SRFBP1: variants seen among roughly 807,000 people sequenced by gnomAD.
SRFBP1 encodes the protein serum response factor binding protein 1, also known as serum response factor-binding protein 1.
Under a neutral mutation model 45.5 loss-of-function variants are expected in SRFBP1, and 47 were observed. The observed-to-expected ratio is 1.03, with a 90% CI of 0.82 to 1.32. The LOEUF is 1.32. SRFBP1 is among the 40% of genes most tolerant of loss of function. SRFBP1 has a pLI of 0.00. For missense variants in SRFBP1, 621 were observed against 484.6 expected (o/e 1.28, Z -2.64); for synonymous variants, 203 against 166.3 (o/e 1.22, Z -1.70).
intron 3 of SRFBP1, among the ~76,000 whole-genome samples, chr5:121,986,301 T>C (rs1164221930): frequency 6.6e-6 from 1 of 152,016 alleles, no homozygotes; most frequent in Non-Finnish European, 1.5e-5. Flanking sequence ...ATTCATTAGA[T>C]TTAGCAGCGT....
rs1580527835 is a variant in SRFBP1, at chr5:122,016,519, C to G, written c.271-2741C>G. On this transcript the variant is annotated intron_variant, in intron 4 of 7. Transcript: ENST00000339397. Reference sequence around the variant, plus strand: ...ATTATTTGGTGACTTGTTTTATTATCTGAAATCTTGTAGGTCCCAATATAC... The same window carrying G: ...ATTATTTGGTGACTTGTTTTATTATGTGAAATCTTGTAGGTCCCAATATAC... Among the ~76,000 whole-genome samples the G allele has an allele frequency of 2.0e-5, 3 of 152,108 alleles. No individual in the cohort carries two copies. In the East Asian group the frequency reaches 5.8e-4, roughly 29 times the overall value.
At chr5:122,074,686 A>T (rs1164531434) in intron 2 of SRFBP1, among the ~76,000 whole-genome samples, 1 of 152,202 alleles carries the variant, frequency 6.6e-6, no homozygotes, top group Non-Finnish European at 1.5e-5. Context: ...TTTTATTTAG[A>T]AATAAAATAT....
chr5:122,071,193 ATGTGTGTG>A (rs35544795), intron 2 of SRFBP1, among the ~76,000 whole-genome samples: 62 of 149,932 alleles, frequency 4.1e-4, no homozygotes, highest in Admixed American at 9.4e-4. Flanking sequence ...AAACATTTAT[ATGTGTGTG>A]TGTGTGTGTG....
chr5:121,987,535 T>C (rs1752541897), intron 3 of SRFBP1, among the ~76,000 whole-genome samples: 1 of 152,210 alleles, frequency 6.6e-6, no homozygotes, highest in African/African-American at 2.4e-5. Flanking sequence ...AAGATTTTGA[T>C]GTCTCTCACT....
intron 2 of SRFBP1, among the ~76,000 whole-genome samples, chr5:122,047,943 G>A (rs1753895551): frequency 6.6e-6 from 1 of 152,112 alleles, no homozygotes; most frequent in Non-Finnish European, 1.5e-5. Context: ...AGGAGATTTT[G>A]GGCTGAGATG....
intron 2 of SRFBP1, among the ~76,000 whole-genome samples, chr5:122,035,416 A>G (rs922071482): frequency 3.9e-5 from 6 of 152,150 alleles, no homozygotes; most frequent in Non-Finnish European, 7.4e-5. Flanking sequence ...AATTCATCAA[A>G]AACTTTAATC....
intron 2 of SRFBP1, chr5:122,065,676 T>C (rs1433718115): frequency 6.6e-6 from 1 of 152,080 alleles, no homozygotes; most frequent in Non-Finnish European, 1.5e-5. Flanking sequence ...CTAGATAATA[T>C]AAAATTTTTA....
chr5:121,987,564 T>G (rs1242386416), intron 3 of SRFBP1, among the ~76,000 whole-genome samples: 1 of 152,186 alleles, frequency 6.6e-6, no homozygotes, highest in Non-Finnish European at 1.5e-5. Flanking sequence ...TTATTTCAGA[T>G]TCTTTATTTC....
At chr5:122,004,507 C>G (rs959423054) in intron 4 of SRFBP1, among the ~76,000 whole-genome samples, 7 of 152,072 alleles carry the variant, frequency 4.6e-5, no homozygotes, top group Non-Finnish European at 1.0e-4. Flanking sequence ...CTATGGTCAT[C>G]AGTTGTAATA....
rs533131908 is a variant in SRFBP1 at position 121,977,801 on chromosome 5, G to T, written c.198+2414G>T. Among the ~76,000 whole-genome samples, 3 of 152,182 alleles carry T rather than the reference G, an allele frequency of 2.0e-5. No individual in the cohort carries two copies. The East Asian group carries it at 5.8e-4, about 29-fold the overall frequency. Reference sequence around the variant, plus strand: ...AGAAATCATGAGTATTTTTAGAAATGAGAGTTTGCTTTTTCTGGCCAACTA... The same window carrying T: ...AGAAATCATGAGTATTTTTAGAAATTAGAGTTTGCTTTTTCTGGCCAACTA... On this transcript the variant is annotated intron_variant, in intron 3 of 7. Transcript: ENST00000339397.
intron 2 of SRFBP1, among the ~76,000 whole-genome samples, chr5:122,054,188 T>G (rs1450761176): frequency 6.6e-6 from 1 of 152,198 alleles, no homozygotes; most frequent in Non-Finnish European, 1.5e-5. Flanking sequence ...ACAAAACATC[T>G]GAGTGGCTCC....
intron 6 of SRFBP1, 114 bp from the exon 7 acceptor site, chr5:122,022,256 C>T (rs957603091): frequency 1.7e-5 from 13 of 762,564 alleles, no homozygotes; most frequent in Non-Finnish European, 2.7e-5. Flanking sequence ...GCTGGTGTGA[C>T]TAAGGAGTAT....
intron 2 of SRFBP1, among the ~76,000 whole-genome samples, chr5:121,974,651 T>C (rs914904074): frequency 6.6e-6 from 1 of 151,950 alleles, no homozygotes; most frequent in African/African-American, 2.4e-5. Context: ...TTTTGAAGAT[T>C]TTATATCACA....
chr5:122,039,216 C>T lies in SRFBP1; in HGVS notation n.311+16809C>T, dbSNP rs552033115. Among the ~76,000 whole-genome samples, 3 of 152,176 alleles carry T rather than the reference C, an allele frequency of 2.0e-5. No individual in the cohort carries two copies. In the South Asian group the frequency reaches 6.2e-4, roughly 32 times the overall value. On this transcript the variant is annotated intron_variant and non_coding_transcript_variant, in intron 2 of 2. Coordinates refer to the SRFBP1 transcript ENST00000504881. ...TCCTTACTCATCCTAATATGCTGGGCCTGGTGGCAGGGGAGAAATTTCTGT... is the reference window on the plus strand; with the variant it reads ...TCCTTACTCATCCTAATATGCTGGGTCTGGTGGCAGGGGAGAAATTTCTGT...
At chr5:122,058,170 T>C (rs1043610218) in intron 2 of SRFBP1, among the ~76,000 whole-genome samples, 15 of 152,230 alleles carry the variant, frequency 9.9e-5, no homozygotes, top group Non-Finnish European at 1.5e-5. Flanking sequence ...ATTTAAATCA[T>C]GATTTATTGG....
In SRFBP1 at chr5:122,058,967, T is replaced by C. The variant is rs903597267; in HGVS notation, n.312-16348T>C. Among the ~76,000 whole-genome samples the C allele has an allele frequency of 2.0e-5, 3 of 152,114 alleles. No homozygotes were observed. In the East Asian group the frequency reaches 5.8e-4, roughly 29 times the overall value. ...CAATTCTTAGATTTTTCTAGAAAATTCAAATAGACCAACATTGAGGTTAAA... is the reference window on the plus strand; with the variant it reads ...CAATTCTTAGATTTTTCTAGAAAATCCAAATAGACCAACATTGAGGTTAAA... On this transcript the variant is annotated intron_variant and non_coding_transcript_variant, in intron 2 of 2. Transcript: ENST00000504881.
At chr5:122,022,143 G>A (rs1753339417) in intron 6 of SRFBP1, among the ~76,000 whole-genome samples, 1 of 152,152 alleles carries the variant, frequency 6.6e-6, no homozygotes, top group South Asian at 2.1e-4. Flanking sequence ...TTTAAAGGTG[G>A]TGAGGGAAAT....
At chr5:122,013,341 G>T (rs1001511576) in intron 4 of SRFBP1, among the ~76,000 whole-genome samples, 1 of 151,920 alleles carries the variant, frequency 6.6e-6, no homozygotes, top group Non-Finnish European at 1.5e-5. Context: ...ATAAAAATTA[G>T]AAGCACTGAG....
At chr5:122,059,950 T>C (rs1054801680) in intron 2 of SRFBP1, among the ~76,000 whole-genome samples, 3 of 152,132 alleles carry the variant, frequency 2.0e-5, no homozygotes, top group Admixed American at 6.6e-5. Context: ...CTTGCTCTTA[T>C]TCTTTTTCTG....
Sources: gnomAD v4.1 joint callset for allele counts (sites outside exome capture counted in the v4.1 genomes callset) on GRCh38, gnomAD v4.1.1 for gene constraint, MANE v1.5 for transcripts, NCBI Gene and HGNC (gene_info 2026-07-23, HGNC 2026-07-21) for gene names.